Variants in ANK1 observed in about 807,000 individuals in gnomAD.
The protein encoded by ANK1 is ankyrin-1.
A neutral mutation model predicts 210.4 loss-of-function variants in ANK1; 51 were observed. That is an observed-to-expected ratio of 0.24 (90% CI 0.19 to 0.31). The LOEUF is 0.31. ANK1 is among the 10% of genes least tolerant of loss of function. The pLI, the probability that ANK1 is intolerant of heterozygous loss-of-function variation, is 1.00. For synonymous variants in ANK1, 967 were observed against 1,025.9 expected (o/e 0.94, Z 1.10); for missense variants, 2,051 against 2,504.4 (o/e 0.82, Z 3.86).
chr8:41,726,742 G>A (rs17661350), intron 5 of ANK1, among the ~76,000 whole-genome samples: 196 of 152,268 alleles, frequency 1.3e-3, no homozygotes, highest in Non-Finnish European at 1.6e-3. Flanking sequence ...GCACAGGACC[G>A]CAGGAACTGA....
intron 10 of ANK1, among the ~76,000 whole-genome samples, chr8:41,718,730 GT>G (rs1207427587): frequency 5.9e-5 from 9 of 152,256 alleles, no homozygotes; most frequent in African/African-American, 1.9e-4. Context: ...GGAGGTGGTG[GT>G]GGGGGGGTAT....
intron 37 of ANK1, among the ~76,000 whole-genome samples, chr8:41,677,788 C>A (rs1043490185): frequency 2.0e-5 from 3 of 151,928 alleles, no homozygotes; most frequent in African/African-American, 7.3e-5. Context: ...TGGAGTTTCA[C>A]CCTGTTGCCC....
intron 39 of ANK1, chr8:41,665,063 C>T (rs914871575): frequency 1.2e-6 from 2 of 1,606,306 alleles, no homozygotes; most frequent in Middle Eastern, 1.7e-4. Flanking sequence ...GCAGCCAGGG[C>T]CCCGGCCACC....
intron 2 of ANK1, among the ~76,000 whole-genome samples, chr8:41,750,518 A>T (rs1837451388): frequency 6.6e-6 from 1 of 152,178 alleles, no homozygotes. Flanking sequence ...CTAAGTATAA[A>T]ATATATAAGC....
At chr8:41,662,407 T>G (rs1370806487) in intron 40 of ANK1, among the ~76,000 whole-genome samples, 2 of 152,200 alleles carry the variant, frequency 1.3e-5, no homozygotes, top group Non-Finnish European at 2.9e-5. Context: ...GCCCCATTGC[T>G]TAATGGAAAA....
chr8:41,767,360 C>G (rs1467942740), intron 1 of ANK1, among the ~76,000 whole-genome samples: 2 of 151,354 alleles, frequency 1.3e-5, no homozygotes, highest in African/African-American at 2.4e-5. Flanking sequence ...CTGGCCCGGA[C>G]CTGCCCTGTC....
chr8:41,670,113 C>G (rs75159846), intron 38 of ANK1, among the ~76,000 whole-genome samples: 1 of 151,880 alleles, frequency 6.6e-6, no homozygotes, highest in Non-Finnish European at 1.5e-5. Flanking sequence ...CTTTTTAGCA[C>G]GTATTATCTA....
intron 37 of ANK1, among the ~76,000 whole-genome samples, chr8:41,677,672 C>G (rs1326668323): frequency 6.6e-6 from 1 of 151,866 alleles, no homozygotes; most frequent in African/African-American, 2.4e-5. Context: ...TCACTGCAAC[C>G]TCTGCCTCCT....
At chr8:41,833,899 A>T (rs1807132994) in intron 1 of ANK1, among the ~76,000 whole-genome samples, 2 of 152,166 alleles carry the variant, frequency 1.3e-5, no homozygotes, top group African/African-American at 4.8e-5. Flanking sequence ...CATGCCTGAC[A>T]CTAGTATGAA....
rs201312056 is a variant in ANK1 at position 41,696,563 on chromosome 8, G to A, written c.2760C>T (p.Asp920=). ...HTGFLVSFMV[D]ARGGSMRGSR... ...TTCCTCTCATGGAACCACCCCGGGCGTCAACCATGAAGCTCACCAGAAACC... is the reference window on the plus strand; with the variant it reads ...TTCCTCTCATGGAACCACCCCGGGCATCAACCATGAAGCTCACCAGAAACC... Residue 920 remains aspartate (D), a synonymous_variant, in exon 26 of 43, where the codon GAC becomes GAT. Transcript: ENST00000289734. 111 of 1,613,966 alleles carry A rather than the reference G, an allele frequency of 6.9e-5. No individual in the cohort carries two copies. In the East Asian group the frequency reaches 2.1e-3, roughly 30 times the overall value.
At chr8:41,760,375 T>A (rs981044938) in intron 1 of ANK1, among the ~76,000 whole-genome samples, 1 of 152,144 alleles carries the variant, frequency 6.6e-6, no homozygotes, top group South Asian at 2.1e-4. Flanking sequence ...CTGCACATAC[T>A]CTCTTGCCTG....
chr8:41,695,437 G>A lies in ANK1; in HGVS notation c.2961-106C>T, dbSNP rs534838787. 3.9e-5 allele frequency: 59 copies of A among 1,503,306 alleles called. 1 individual carries two copies. Among genetic ancestry groups the A allele is most frequent in the East Asian group, 3.4e-4 (15 of 44,140 alleles). The allele number at this position is 1,503,306 out of a possible 1,614,324, so 93.1% of individuals were successfully genotyped here. On this transcript the variant is annotated intron_variant, in intron 26 of 42. Transcript: ENST00000289734. Reference sequence around the variant, plus strand: ...CCACCCAGATGGATAAGGCACTTCCGCAGCCACGTGGAGGCCCCACCTGCA... The same window carrying A: ...CCACCCAGATGGATAAGGCACTTCCACAGCCACGTGGAGGCCCCACCTGCA...
chr8:41,791,557 G>T (rs924681533), intron 1 of ANK1, among the ~76,000 whole-genome samples: 1 of 151,834 alleles, frequency 6.6e-6, no homozygotes, highest in Non-Finnish European at 1.5e-5. Context: ...TCAGCCTCCT[G>T]AGTAGCTGGG....
intron 1 of ANK1, among the ~76,000 whole-genome samples, chr8:41,893,591 C>A (rs989623562): frequency 2.0e-5 from 3 of 152,190 alleles, no homozygotes; most frequent in Non-Finnish European, 2.9e-5. Flanking sequence ...TTTCTACAAA[C>A]GGGAGGGATG....
chr8:41,734,882 C>A (rs374319519), intron 2 of ANK1, among the ~76,000 whole-genome samples: 2 of 152,064 alleles, frequency 1.3e-5, no homozygotes, highest in Admixed American at 6.6e-5. Context: ...CAGGGCCAGA[C>A]CCTGTCTCAA....
At chr8:41,891,236 G>A (rs904490292) in intron 1 of ANK1, among the ~76,000 whole-genome samples, 1 of 152,064 alleles carries the variant, frequency 6.6e-6, no homozygotes. Flanking sequence ...TCGCCACTAC[G>A]TGCTCATTTT....
intron 1 of ANK1, among the ~76,000 whole-genome samples, chr8:41,888,330 C>T (rs1435441323): frequency 6.6e-6 from 1 of 152,238 alleles, no homozygotes; most frequent in Non-Finnish European, 1.5e-5. Flanking sequence ...CACGTATACA[C>T]ACGCTTACAT....
intron 1 of ANK1, among the ~76,000 whole-genome samples, chr8:41,861,079 G>A (rs1268915441): frequency 3.3e-5 from 5 of 152,192 alleles, no homozygotes; most frequent in Admixed American, 1.3e-4. Context: ...GTGCCAGGCC[G>A]TTTGTGTGTG....
intron 1 of ANK1, among the ~76,000 whole-genome samples, chr8:41,763,536 T>C (rs1376047990): frequency 6.6e-6 from 1 of 152,166 alleles, no homozygotes; most frequent in African/African-American, 2.4e-5. Flanking sequence ...GTCTATGCCT[T>C]TCCACTGCCC....
Sources: gnomAD v4.1 joint callset for allele counts (sites outside exome capture counted in the v4.1 genomes callset) on GRCh38, gnomAD v4.1.1 for gene constraint, MANE v1.5 for transcripts, NCBI Gene and HGNC (gene_info 2026-07-23, HGNC 2026-07-21) for gene names.